EYS: variants seen among roughly 807,000 people sequenced by gnomAD.
The protein encoded by EYS is protein eyes shut homolog.
A neutral mutation model predicts 282.1 loss-of-function variants in EYS; 250 were observed. The ratio of observed to expected loss-of-function variants is 0.89; its 90% confidence interval spans 0.80 to 0.98. The LOEUF is 0.98. EYS is among the 50% of genes least tolerant of loss of function. The probability of loss-of-function intolerance (pLI) is 0.00; values close to 1 mark genes in which losing one functional copy is unlikely to be tolerated. For missense variants in EYS, 4,016 were observed against 3,709.0 expected (o/e 1.08, Z -2.15); for synonymous variants, 1,355 against 1,282.9 (o/e 1.06, Z -1.20).
At chr6:63,976,570 T>C (rs1241704788) in intron 35 of EYS, among the ~76,000 whole-genome samples, 1 of 152,032 alleles carries the variant, frequency 6.6e-6, no homozygotes. Flanking sequence ...ACTAGTTTTG[T>C]CTCTAAACCT....
At chr6:64,893,417 T>C (rs772071568) in intron 18 of EYS, among the ~76,000 whole-genome samples, 10 of 152,090 alleles carry the variant, frequency 6.6e-5, no homozygotes, top group Non-Finnish European at 1.5e-5. Context: ...ACGTTTTTTG[T>C]TTATGTGTCT....
At chr6:64,117,592 CA>C (rs1773431887) in intron 31 of EYS, among the ~76,000 whole-genome samples, 1 of 150,642 alleles carries the variant, frequency 6.6e-6, no homozygotes, top group South Asian at 2.1e-4. Flanking sequence ...AATTATATGC[CA>C]ACAAATTGGA....
intron 13 of EYS, among the ~76,000 whole-genome samples, chr6:65,005,228 G>C (rs552386105): frequency 4.7e-5 from 7 of 147,846 alleles, no homozygotes; most frequent in Non-Finnish European, 1.1e-4. Context: ...ACTCCCGATC[G>C]GGCTAAAGGC....
intron 7 of EYS, among the ~76,000 whole-genome samples, chr6:65,390,489 T>G (rs1765981787): frequency 6.6e-6 from 1 of 151,894 alleles, no homozygotes; most frequent in Non-Finnish European, 1.5e-5. Context: ...ACTTCACTGC[T>G]TGTGGTACAC....
chr6:64,478,534 ATTTT>A (rs911249345), intron 26 of EYS, among the ~76,000 whole-genome samples: 3 of 151,304 alleles, frequency 2.0e-5, no homozygotes, highest in Admixed American at 2.0e-4. Context: ...TTGTCACTTC[ATTTT>A]TTTAACTTCT....
intron 12 of EYS, among the ~76,000 whole-genome samples, chr6:65,133,347 G>A (rs1775935555): frequency 6.6e-6 from 1 of 151,968 alleles, no homozygotes; most frequent in Non-Finnish European, 1.5e-5. Flanking sequence ...AACAAAGTTA[G>A]AGGTATCATG....
At chr6:65,220,825 T>C (rs768887062) in intron 12 of EYS, among the ~76,000 whole-genome samples, 2 of 152,064 alleles carry the variant, frequency 1.3e-5, no homozygotes, top group African/African-American at 2.4e-5. Flanking sequence ...CTGACAGTGA[T>C]ATGGACAATA....
rs769240399 is a variant in EYS, at chr6:64,864,385, C to CTTTTTTTTTTTTTTTTTTTTT, written c.2992+22291_2992+22311dup. On this transcript the variant is annotated intron_variant, in intron 19 of 42. Coordinates refer to ENST00000503581, the MANE Select transcript of EYS (RefSeq NM_001142800.2). The stretch of plus-strand genomic sequence containing the variant: ...GAGAAATACAGAGGTGCTATACCTT[C>CTTTTTTTTTTTTTTTTTTTTT]TTTTTTTTTTTTTTTTTTTTTGACA... Among the ~76,000 whole-genome samples, 201 of 57,192 alleles carry CTTTTTTTTTTTTTTTTTTTTT rather than the reference C, an allele frequency of 3.5e-3. 45 individuals are homozygous for CTTTTTTTTTTTTTTTTTTTTT. Among genetic ancestry groups the CTTTTTTTTTTTTTTTTTTTTT allele is most frequent in the Non-Finnish European group, 3.8e-3 (107 of 27,922 alleles). The allele number at this position is 57,192 out of a possible 152,430, so 37.5% of individuals were successfully genotyped here.
chr6:64,996,141 G>A (rs1424323195), intron 14 of EYS, among the ~76,000 whole-genome samples: 1 of 152,136 alleles, frequency 6.6e-6, no homozygotes, highest in Non-Finnish European at 1.5e-5. Flanking sequence ...AGGCCATAAG[G>A]ATCAAATATA....
intron 31 of EYS, among the ~76,000 whole-genome samples, chr6:64,182,660 CT>C (rs1764821708): frequency 6.6e-6 from 1 of 152,164 alleles, no homozygotes; most frequent in Non-Finnish European, 1.5e-5. Flanking sequence ...GCATCACGAG[CT>C]TCCTCTTAAC....
chr6:64,005,771 A>T (rs1768316522), intron 33 of EYS, among the ~76,000 whole-genome samples: 1 of 151,986 alleles, frequency 6.6e-6, no homozygotes. Context: ...AAGATCAGAT[A>T]GTTGTAGGTG....
chr6:64,944,924 GA>G (rs2150095383), intron 15 of EYS, among the ~76,000 whole-genome samples: 2 of 151,936 alleles, frequency 1.3e-5, no homozygotes, highest in South Asian at 4.1e-4. Flanking sequence ...ACCTTCCCTT[GA>G]ACTTAATTAT....
rs545948728 is a variant in EYS at position 64,411,923 on chromosome 6, A to C, written c.5928-23083T>G. On this transcript the variant is annotated intron_variant, in intron 28 of 42. Transcript: ENST00000503581. ...TGTATATATGTTTATATATGCATGC[A>C]TGTATGTATATATGTTTATATATGC... Among the ~76,000 whole-genome samples the C allele has an allele frequency of 1.6e-3, 244 of 151,572 alleles. 10 individuals carry two copies. The highest frequency in any genetic ancestry group is 7.0e-3 in the Middle Eastern group (2 of 284).
chr6:64,597,772 G>A (rs1176704046), intron 24 of EYS, among the ~76,000 whole-genome samples: 2 of 152,024 alleles, frequency 1.3e-5, no homozygotes, highest in Non-Finnish European at 1.5e-5. Flanking sequence ...GTCTGTTATT[G>A]GAGTGATGGA....
intron 2 of EYS, among the ~76,000 whole-genome samples, chr6:65,622,431 T>G (rs1419706015): frequency 1.3e-5 from 2 of 152,076 alleles, no homozygotes; most frequent in African/African-American, 2.4e-5. Context: ...TTAGACATGT[T>G]TTCCATTATT....
intron 12 of EYS, among the ~76,000 whole-genome samples, chr6:65,278,057 C>CTTTTCTTTTCTTTTCTTTTCTTTTCTT (rs1562067588): frequency 1.4e-5 from 2 of 145,024 alleles, no homozygotes; most frequent in Admixed American, 7.2e-5. Flanking sequence ...CTTTTCTTTT[C>CTTTTCTTTTCTTTTCTTTTCTTTTCTT]TTTTTTTCTG....
chr6:65,263,895 C>T (rs1031840576), intron 12 of EYS, among the ~76,000 whole-genome samples: 1 of 151,620 alleles, frequency 6.6e-6, no homozygotes, highest in Non-Finnish European at 1.5e-5. Flanking sequence ...GTGGGCAACA[C>T]AGTAAGACCC....
In EYS at chr6:64,801,159, T is replaced by A. The variant is rs62415505; in HGVS notation, c.3443+12219A>T. ...CTGAATGTTTAAAAAAAAATCATCA[T>A]TTTAGGGCCAGTCATAAGTTTAAAA... On this transcript the variant is annotated intron_variant, in intron 22 of 42. Coordinates refer to ENST00000503581, the MANE Select transcript of EYS (RefSeq NM_001142800.2). 5.4e-3 allele frequency among the ~76,000 whole-genome samples: 829 copies of A among 152,196 alleles called. 4 individuals carry two copies. The highest frequency in any genetic ancestry group is 9.5e-3 in the Non-Finnish European group (648 of 67,942).
intron 2 of EYS, among the ~76,000 whole-genome samples, chr6:65,594,316 G>T (rs527384569): frequency 6.6e-6 from 1 of 151,940 alleles, no homozygotes; most frequent in African/African-American, 2.4e-5. Context: ...AAGCAGATGA[G>T]CCTGAACAAA....
Sources: allele counts gnomAD v4.1 joint callset (sites outside exome capture counted in the v4.1 genomes callset), GRCh38; gene constraint gnomAD v4.1.1; transcripts MANE v1.5; gene names NCBI Gene and HGNC (gene_info 2026-07-23, HGNC 2026-07-21).